ZSWIM6: variants seen among roughly 807,000 people sequenced by gnomAD.
ZSWIM6 encodes zinc finger SWIM domain-containing protein 6.
In ZSWIM6, 9 loss-of-function variants were observed where a neutral mutation model predicts 113.2. That is an observed-to-expected ratio of 0.08 (90% CI 0.05 to 0.14). The LOEUF is 0.14. Ranked by LOEUF, ZSWIM6 falls within the 10% of genes least tolerant of loss-of-function variation. The pLI is 1.00. For synonymous variants in ZSWIM6, 611 were observed against 606.5 expected, an observed-to-expected ratio of 1.01 and a Z score of -0.11; for missense variants, 1,162 against 1,552.2, an observed-to-expected ratio of 0.75 and a Z score of 4.22.
At chr5:61,505,270 C>T (rs948955153) in intron 4 of ZSWIM6, among the ~76,000 whole-genome samples, 2 of 152,116 alleles carry the variant, frequency 1.3e-5, no homozygotes, top group African/African-American at 4.8e-5. Context: ...GTCCTTTTTG[C>T]CTTTTTGTAT....
intron 1 of ZSWIM6, among the ~76,000 whole-genome samples, chr5:61,450,139 G>A (rs1264143641): frequency 6.6e-6 from 1 of 152,132 alleles, no homozygotes; most frequent in Non-Finnish European, 1.5e-5. Context: ...AGCCTCTTGA[G>A]CCTTTCAACA....
chr5:61,434,776 T>G (rs1746670459), intron 1 of ZSWIM6, among the ~76,000 whole-genome samples: 1 of 152,176 alleles, frequency 6.6e-6, no homozygotes, highest in African/African-American at 2.4e-5. Flanking sequence ...TAGACTTAGT[T>G]TTTTTATGGG....
chr5:61,508,942 A>G (rs941590024), intron 4 of ZSWIM6, among the ~76,000 whole-genome samples: 1 of 152,198 alleles, frequency 6.6e-6, no homozygotes, highest in Non-Finnish European at 1.5e-5. Flanking sequence ...ACAACGGTGT[A>G]TTGTTATATT....
rs553232347 is a variant in ZSWIM6, at chr5:61,365,329, G to A, written c.676+32381G>A. Among the ~76,000 whole-genome samples, 70 of 144,774 alleles carry A rather than the reference G, an allele frequency of 4.8e-4. No homozygotes were observed. The South Asian group carries it at 0.013, about 28-fold the overall frequency. The allele number at this position is 144,774 out of a possible 152,430, so 95.0% of individuals were successfully genotyped here. On this transcript the variant is annotated intron_variant, in intron 1 of 13. Coordinates refer to ENST00000252744, the MANE Select transcript of ZSWIM6 (RefSeq NM_020928.2). ...ATTGCACCACTGCACTCCAGCCTGG[G>A]CGACAGAGCGGGACTCTGTCTCAAA...
At chr5:61,403,486 A>G (rs960193803) in intron 1 of ZSWIM6, among the ~76,000 whole-genome samples, 8 of 152,224 alleles carry the variant, frequency 5.3e-5, no homozygotes, top group Admixed American at 4.6e-4. Flanking sequence ...GCAGCTAGCA[A>G]CTTCAGCCTT....
rs1203405019 is a variant in ZSWIM6, at chr5:61,544,201, A to G, written c.3532A>G (p.Thr1178Ala). ...FIEFLSKARETFLMAHDGHIQ... is the reference protein window; with the variant it reads ...FIEFLSKAREAFLMAHDGHIQ... ...AGAGTTCCTCAGCAAAGCCCGAGAG[A>G]CCTTCTTAATGGCGCATGATGGACA... Residue 1178 changes from threonine (T) to alanine (A), a missense_variant, in exon 14 of 14, where the codon ACC becomes GCC. Thr to Ala is a moderately conservative substitution (Grantham distance 58). Around this residue, in one of 4 missense-constraint regions of ZSWIM6, gnomAD observed 113 missense variants for 213.8 expected, o/e 0.53. Transcript: ENST00000252744. 11 of 1,551,480 alleles carry G rather than the reference A, an allele frequency of 7.1e-6. No homozygotes were observed. The Admixed American group carries it at 2.0e-4, about 28-fold the overall frequency.
intron 1 of ZSWIM6, among the ~76,000 whole-genome samples, chr5:61,427,790 A>G (rs1746491949): frequency 6.6e-6 from 1 of 152,128 alleles, no homozygotes; most frequent in Non-Finnish European, 1.5e-5. Flanking sequence ...TCCCTCAAAT[A>G]TTTTAAATCT....
chr5:61,338,835 A>G (rs1744463538), intron 1 of ZSWIM6, among the ~76,000 whole-genome samples: 3 of 152,184 alleles, frequency 2.0e-5, no homozygotes, highest in South Asian at 4.1e-4. Context: ...AGTTTCATCT[A>G]TTTTGCGGTT....
intron 1 of ZSWIM6, among the ~76,000 whole-genome samples, chr5:61,418,763 G>C (rs138539941): frequency 2.0e-5 from 3 of 152,296 alleles, no homozygotes; most frequent in Non-Finnish European, 4.4e-5. Flanking sequence ...TATTATTAGA[G>C]AAATAATGTT....
At chr5:61,504,190 T>TATCTAGCC (rs1748542192) in intron 4 of ZSWIM6, among the ~76,000 whole-genome samples, 1 of 152,298 alleles carries the variant, frequency 6.6e-6, no homozygotes, top group Non-Finnish European at 1.5e-5. Flanking sequence ...TCTTCTGCTT[T>TATCTAGCC]ATCTAGCCTT....
chr5:61,374,834 C>T (rs968079473), intron 1 of ZSWIM6, among the ~76,000 whole-genome samples: 4 of 152,128 alleles, frequency 2.6e-5, no homozygotes, highest in African/African-American at 4.8e-5. Flanking sequence ...GGATTACAGG[C>T]GTGAGCTACC....
intron 1 of ZSWIM6, among the ~76,000 whole-genome samples, chr5:61,354,511 G>A (rs907968893): frequency 2.0e-5 from 3 of 152,174 alleles, no homozygotes; most frequent in African/African-American, 7.2e-5. Context: ...ATGTATTTAA[G>A]CCCCAAAAGT....
In ZSWIM6 at chr5:61,526,288, C is replaced by T. The variant is rs116036211; in HGVS notation, c.1729C>T (p.Arg577Cys). Residue 577 changes from arginine (R) to cysteine (C), a missense_variant, in exon 7 of 14, where the codon CGT becomes TGT. Around this residue, in one of 4 missense-constraint regions of ZSWIM6, gnomAD observed 620 missense variants for 804.6 expected, o/e 0.77. Coordinates refer to ENST00000252744, the MANE Select transcript of ZSWIM6 (RefSeq NM_020928.2). ...PTACARVDAL[R>C]SHGYPREALR... ...AGCCTGTGCAAGAGTGGACGCATTA[C>T]GTTCTCATGGGTACCCCAGAGAAGC... The T allele has an allele frequency of 5.2e-3, 8,061 of 1,551,816 alleles. 29 individuals are homozygous for T. The highest frequency in any genetic ancestry group is 6.5e-3 in the Non-Finnish European group (7,483 of 1,147,010).
chr5:61,428,034 C>A (rs1746498493), intron 1 of ZSWIM6, among the ~76,000 whole-genome samples: 1 of 151,928 alleles, frequency 6.6e-6, no homozygotes, highest in Non-Finnish European at 1.5e-5. Context: ...TTTCTGCTTA[C>A]TTTGAAAATG....
intron 1 of ZSWIM6, among the ~76,000 whole-genome samples, chr5:61,454,966 T>C (rs1561244373): frequency 6.6e-6 from 1 of 151,790 alleles, no homozygotes; most frequent in African/African-American, 2.4e-5. Flanking sequence ...GTCCCAGTCC[T>C]AGAATCAGGC....
At chr5:61,354,833 A>T (rs1403733639) in intron 1 of ZSWIM6, among the ~76,000 whole-genome samples, 1 of 152,202 alleles carries the variant, frequency 6.6e-6, no homozygotes, top group African/African-American at 2.4e-5. Flanking sequence ...CTCTGTATTC[A>T]GTGACTTATT....
At chr5:61,455,413 T>A (rs1206100922) in intron 1 of ZSWIM6, among the ~76,000 whole-genome samples, 1 of 152,168 alleles carries the variant, frequency 6.6e-6, no homozygotes, top group Non-Finnish European at 1.5e-5. Flanking sequence ...CACTGAAGCT[T>A]AAGCCTGAAC....
intron 1 of ZSWIM6, among the ~76,000 whole-genome samples, chr5:61,390,131 G>A (rs1296034559): frequency 2.0e-5 from 3 of 152,046 alleles, no homozygotes; most frequent in Non-Finnish European, 2.9e-5. Flanking sequence ...GCCTGTCTAC[G>A]TATACATCAC....
At chr5:61,521,682 T>G (rs759261687) in intron 5 of ZSWIM6, among the ~76,000 whole-genome samples, 2 of 152,190 alleles carry the variant, frequency 1.3e-5, no homozygotes, top group African/African-American at 2.4e-5. Flanking sequence ...ATACTTATTT[T>G]ATATACTAGT....
Sources: gnomAD v4.1 joint callset for allele counts (sites outside exome capture counted in the v4.1 genomes callset) on GRCh38, gnomAD v4.1.1 for gene constraint, gnomAD v4.1.1 regional missense constraint, MANE v1.5 for transcripts, NCBI Gene and HGNC (gene_info 2026-07-23, HGNC 2026-07-21) for gene names.